PTDSS1: variants seen among roughly 807,000 people sequenced by gnomAD.
PTDSS1 encodes phosphatidylserine synthase 1.
Under a neutral mutation model 70.5 loss-of-function variants are expected in PTDSS1, and 45 were observed. The ratio of observed to expected loss-of-function variants is 0.64; its 90% CI spans 0.50 to 0.82. The LOEUF is 0.82. Among genes scored for constraint, PTDSS1 ranks in the 40% least tolerant of loss-of-function variants. The pLI, the probability that PTDSS1 is intolerant of heterozygous loss-of-function variation, is 0.00. For missense variants in PTDSS1, 417 were observed against 586.1 expected (o/e 0.71, Z 2.98); for synonymous variants, 188 against 203.8 (o/e 0.92, Z 0.66).
chr8:96,262,616 A>G lies in PTDSS1; in HGVS notation c.179+397A>G, dbSNP rs143682091. The stretch of plus-strand genomic sequence containing the variant: ...GAATCATGTCGTATGCACCACTTTC[A>G]GCACACACCGCTACACATACAAAGC... On this transcript the variant is annotated intron_variant, in intron 1 of 12. Coordinates refer to ENST00000517309, the MANE Select transcript of PTDSS1 (RefSeq NM_014754.3). This position sits in a 1 kb window ranked among gnomAD's most constrained non-coding sequence, Gnocchi z 4.4. 2.0e-5 allele frequency among the ~76,000 whole-genome samples: 3 copies of G among 152,138 alleles called. No homozygotes were observed. Among genetic ancestry groups the G allele is most frequent in the Non-Finnish European group, 4.4e-5 (3 of 67,974 alleles).
rs1811511711 is a variant in PTDSS1 at position 96,331,208 on chromosome 8, A to G, written c.1312+113A>G. On this transcript the variant is annotated intron_variant, in intron 12 of 12. Transcript: ENST00000517309. ...GCCTTGAAGGGTCTCAGGCCTACCCATTGAATGTCTCCTGTCACTTATTAA... is the reference window on the plus strand; with the variant it reads ...GCCTTGAAGGGTCTCAGGCCTACCCGTTGAATGTCTCCTGTCACTTATTAA... The G allele has an allele frequency of 2.1e-5, 20 of 959,192 alleles. No homozygotes were observed. In the East Asian group the frequency reaches 5.1e-4, roughly 24 times the overall value. 59.4% of individuals were successfully genotyped at this position (959,192 alleles called of 1,614,324 possible). A position where few individuals can be genotyped will look rare whatever the true frequency, so the allele number is the denominator to read the frequency against.
chr8:96,316,423 A>G (rs909055297), intron 9 of PTDSS1, among the ~76,000 whole-genome samples: 3 of 152,232 alleles, frequency 2.0e-5, no homozygotes, highest in African/African-American at 7.2e-5. Flanking sequence ...TTGTAGCAAC[A>G]TGGGTGCAGC....
intron 2 of PTDSS1, among the ~76,000 whole-genome samples, chr8:96,280,250 G>A (rs910426894): frequency 5.3e-5 from 8 of 152,084 alleles, no homozygotes; most frequent in African/African-American, 1.2e-4. Flanking sequence ...GGCCAGGCAC[G>A]GTGGCTGACA....
chr8:96,325,207 G>T (rs548128261), intron 10 of PTDSS1, among the ~76,000 whole-genome samples: 1 of 152,160 alleles, frequency 6.6e-6, no homozygotes, highest in South Asian at 2.1e-4. Context: ...CTTGCCCAAG[G>T]TCACATAGGT....
At position 96,296,112 on chromosome 8, in the gene PTDSS1, G is replaced by T. The variant is rs112418217; in HGVS notation, c.600+856G>T. On this transcript the variant is annotated intron_variant, in intron 5 of 12. Coordinates refer to ENST00000517309, the MANE Select transcript of PTDSS1 (RefSeq NM_014754.3). ...GTCATGTGGCATTCTCCCTGTGCGT[G>T]TCTGAGCCTTCATGGTGTTCTTTTT... 3.8e-3 allele frequency among the ~76,000 whole-genome samples: 541 copies of T among 142,750 alleles called. 1 individual carries two copies. The highest frequency in any genetic ancestry group is 6.1e-3 in the Non-Finnish European group (404 of 65,820). The allele number at this position is 142,750 out of a possible 152,430, so 93.6% of individuals were successfully genotyped here.
intron 10 of PTDSS1, among the ~76,000 whole-genome samples, chr8:96,320,568 G>A (rs760636091): frequency 9.9e-5 from 15 of 152,088 alleles, no homozygotes; most frequent in Non-Finnish European, 2.1e-4. Context: ...CCAGTCAAAC[G>A]CCTTCGACAG....
intron 2 of PTDSS1, among the ~76,000 whole-genome samples, chr8:96,276,762 T>A (rs1586184282): frequency 6.6e-6 from 1 of 152,212 alleles, no homozygotes; most frequent in Non-Finnish European, 1.5e-5. Context: ...TTTTCCCCCA[T>A]GGTGGGATCT....
At chr8:96,325,075 G>A (rs1811420787) in intron 10 of PTDSS1, among the ~76,000 whole-genome samples, 1 of 152,186 alleles carries the variant, frequency 6.6e-6, no homozygotes, top group Admixed American at 6.5e-5. Flanking sequence ...TGCCTACTAT[G>A]TGCCAGAGAC....
intron 9 of PTDSS1, among the ~76,000 whole-genome samples, chr8:96,316,571 C>T (rs954082899): frequency 5.3e-5 from 8 of 152,096 alleles, no homozygotes; most frequent in East Asian, 1.9e-4. Context: ...AGGGAGGAAG[C>T]GGGGCATGGG....
intron 2 of PTDSS1, among the ~76,000 whole-genome samples, chr8:96,282,226 C>T (rs1413290162): frequency 6.6e-6 from 1 of 152,190 alleles, no homozygotes; most frequent in Non-Finnish European, 1.5e-5. Context: ...CAAGAGCTAT[C>T]GCCTACCATG....
chr8:96,310,054 G>A (rs991847937), intron 9 of PTDSS1, among the ~76,000 whole-genome samples: 4 of 151,802 alleles, frequency 2.6e-5, no homozygotes, highest in African/African-American at 7.2e-5. Flanking sequence ...GCTTGAACCC[G>A]GGAGGCTGAG....
intron 1 of PTDSS1, among the ~76,000 whole-genome samples, chr8:96,265,371 C>G (rs985976311): frequency 6.6e-6 from 1 of 152,140 alleles, no homozygotes; most frequent in Non-Finnish European, 1.5e-5. Context: ...GGATTAGATA[C>G]CTTGCACTGA....
At chr8:96,274,303 T>C (rs142953437) in intron 2 of PTDSS1, among the ~76,000 whole-genome samples, 201 of 152,324 alleles carry the variant, frequency 1.3e-3, no homozygotes, top group African/African-American at 4.5e-3. Context: ...ATGTGTAATA[T>C]AAGAAGCTCA....
In PTDSS1 at chr8:96,330,582, C is replaced by G; in HGVS notation, c.1242+301C>G. On this transcript the variant is annotated intron_variant, in intron 11 of 12. Coordinates refer to ENST00000517309, the MANE Select transcript of PTDSS1 (RefSeq NM_014754.3). ...AAAGCTGTGGACTGGCTTTTGGAAGCTGGGTTTTCTCCCCAGCTCTTGAAC... is the reference window on the plus strand; with the variant it reads ...AAAGCTGTGGACTGGCTTTTGGAAGGTGGGTTTTCTCCCCAGCTCTTGAAC... 4 of 427,264 alleles carry G rather than the reference C, an allele frequency of 9.4e-6. No homozygotes were observed. In the South Asian group the frequency reaches 9.9e-5, roughly 11 times the overall value. 26.5% of individuals were successfully genotyped at this position (427,264 alleles called of 1,614,324 possible).
rs1811026104 is a variant in PTDSS1 at position 96,299,789 on chromosome 8, G to A, written c.696G>A (p.Leu232=). The A allele has an allele frequency of 1.2e-6, 2 of 1,613,966 alleles. No individual in the cohort carries two copies. Among genetic ancestry groups the A allele is most frequent in the South Asian group, 2.2e-5 (2 of 91,080 alleles). Residue 232 remains leucine, a synonymous_variant, in exon 6 of 13, where the codon CTG becomes CTA. Coordinates refer to ENST00000517309, the MANE Select transcript of PTDSS1 (RefSeq NM_014754.3). ...ILLCNGGGIW[L]GMVVCRFLEM... ...TGTGCAATGGCGGTGGCATTTGGCTGGGCATGGTCGTTTGCCGGTTTTTAG... is the reference window on the plus strand; with the variant it reads ...TGTGCAATGGCGGTGGCATTTGGCTAGGCATGGTCGTTTGCCGGTTTTTAG...
chr8:96,323,442 G>A (rs1046769382), intron 10 of PTDSS1, among the ~76,000 whole-genome samples: 15 of 152,308 alleles, frequency 9.8e-5, no homozygotes, highest in Middle Eastern at 3.4e-3. Flanking sequence ...CAGCTCTTGC[G>A]TTTTGCATAC....
At position 96,262,290 on chromosome 8, in the gene PTDSS1, A is replaced by AGGGGGGGGGGGGTGGGGGGGGGGGGT; in HGVS notation, c.179+77_179+78insGGGGGGTGGGGGGGGGGGGTGGGGGG. 2.6e-6 allele frequency: 1 copy of AGGGGGGGGGGGGTGGGGGGGGGGGGT among 387,406 alleles called. No individual in the cohort carries two copies. Among genetic ancestry groups the AGGGGGGGGGGGGTGGGGGGGGGGGGT allele is most frequent in the Non-Finnish European group, 5.0e-6 (1 of 201,920 alleles). The allele number at this position is 387,406 out of a possible 1,614,324, so 24.0% of individuals were successfully genotyped here. On this transcript the variant is annotated intron_variant, in intron 1 of 12. Coordinates refer to ENST00000517309, the MANE Select transcript of PTDSS1 (RefSeq NM_014754.3). The surrounding 1 kb of genome is among the most constrained non-coding windows in gnomAD (Gnocchi z 4.4). Reference sequence around the variant, plus strand: ...AGAGGCGGGAGGGAGGGTGGCGGGGAGGGGGGCCCGGCATGGCTCTGGGTG... The same window carrying AGGGGGGGGGGGGTGGGGGGGGGGGGT: ...AGAGGCGGGAGGGAGGGTGGCGGGGAGGGGGGGGGGGGTGGGGGGGGGGGGTGGGGGGCCCGGCATGGCTCTGGGTG...
intron 11 of PTDSS1, 92 bp from the exon 12 acceptor site, chr8:96,330,934 G>T: frequency 9.7e-7 from 1 of 1,034,194 alleles, no homozygotes. Context: ...CAGCCTGGGA[G>T]AGGCAGGGAT....
At chr8:96,320,040 A>G (rs1811352731) in intron 9 of PTDSS1, among the ~76,000 whole-genome samples, 3 of 152,210 alleles carry the variant, frequency 2.0e-5, no homozygotes, top group Admixed American at 2.0e-4. Flanking sequence ...GTCTGGGAAG[A>G]AGGAAGAGGT....
Sources: gnomAD v4.1 joint callset for allele counts (sites outside exome capture counted in the v4.1 genomes callset) on GRCh38, gnomAD v4.1.1 for gene constraint, Gnocchi (gnomAD v3.1) non-coding constraint, MANE v1.5 for transcripts, NCBI Gene and HGNC (gene_info 2026-07-23, HGNC 2026-07-21) for gene names.